PARD3B: variants seen among roughly 807,000 people sequenced by gnomAD.
PARD3B encodes partitioning defective 3 homolog B.
Under a neutral mutation model 130.2 loss-of-function variants are expected in PARD3B, and 103 were observed. That is an observed-to-expected ratio of 0.79 (90% CI 0.67 to 0.93). The LOEUF is 0.93. Ranked by LOEUF, PARD3B falls within the 40% of genes least tolerant of loss-of-function variation. The probability of loss-of-function intolerance (pLI) is 0.00; values close to 1 mark genes in which losing one functional copy is unlikely to be tolerated. For synonymous variants in PARD3B, 583 were observed against 553.2 expected (o/e 1.05, Z -0.76); for missense variants, 1,609 against 1,499.2 (o/e 1.07, Z -1.21).
chr2:205,240,661 T>C (rs2039312638), intron 15 of PARD3B, among the ~76,000 whole-genome samples: 4 of 152,188 alleles, frequency 2.6e-5, no homozygotes, highest in Non-Finnish European at 4.4e-5. Context: ...TACAATCTTC[T>C]GTCAGCATAA....
At chr2:204,805,010 CAACTT>C (rs1329212756) in intron 2 of PARD3B, among the ~76,000 whole-genome samples, 2 of 151,356 alleles carry the variant, frequency 1.3e-5, no homozygotes, top group East Asian at 1.9e-4. Flanking sequence ...TTCAAATAAA[CAACTT>C]AATAATGCAT....
At chr2:205,523,528 C>T (rs535754090) in intron 21 of PARD3B, among the ~76,000 whole-genome samples, 1 of 151,966 alleles carries the variant, frequency 6.6e-6, no homozygotes, top group African/African-American at 2.4e-5. Flanking sequence ...ATTATTTAGC[C>T]TATTTTCTCT....
At chr2:205,539,271 G>T (rs1239335540) in intron 21 of PARD3B, among the ~76,000 whole-genome samples, 1 of 152,192 alleles carries the variant, frequency 6.6e-6, no homozygotes, top group Non-Finnish European at 1.5e-5. Flanking sequence ...GTCCTGGTCA[G>T]GGTAGTGTTG....
intron 16 of PARD3B, among the ~76,000 whole-genome samples, chr2:205,267,820 A>C (rs759241330): frequency 6.6e-6 from 1 of 152,208 alleles, no homozygotes; most frequent in East Asian, 1.9e-4. Context: ...GGTTCTAGCT[A>C]TTCTAAGCAT....
intron 21 of PARD3B, among the ~76,000 whole-genome samples, chr2:205,506,647 C>T (rs1426552285): frequency 6.6e-6 from 1 of 152,104 alleles, no homozygotes; most frequent in Non-Finnish European, 1.5e-5. Flanking sequence ...AGTATAAAAG[C>T]CATCAGAAGG....
At chr2:204,773,653 A>C (rs2125436632) in intron 2 of PARD3B, among the ~76,000 whole-genome samples, 1 of 152,252 alleles carries the variant, frequency 6.6e-6, no homozygotes, top group Admixed American at 6.5e-5. Context: ...GTTCCCTTAC[A>C]AAAATGCAAA....
In PARD3B at chr2:205,401,119, G is replaced by C; in HGVS notation, c.2737G>C (p.Glu913Gln). 6.3e-7 allele frequency: 1 copy of C among 1,589,060 alleles called. No individual in the cohort carries two copies. Among genetic ancestry groups the C allele is most frequent in the African/African-American group, 1.3e-5 (1 of 74,788 alleles). Reference sequence around the variant, plus strand: ...GCTGGAGAAAATGAAAGAAGAGCGTGAAAGGTGAGCAGAAGTGCCGAGACC... The same window carrying C: ...GCTGGAGAAAATGAAAGAAGAGCGTCAAAGGTGAGCAGAAGTGCCGAGACC... ...EELEKMKEER[E>Q]RIGAKHQELR... The change falls in exon 19 of 23, where the codon GAA becomes CAA. Residue 913 changes from glutamate to glutamine, a missense_variant. By Grantham distance (29) the Glu-to-Gln change is conservative. Transcript: ENST00000406610.
At chr2:204,899,254 C>CT (rs1451891321) in intron 2 of PARD3B, among the ~76,000 whole-genome samples, 19 of 138,256 alleles carry the variant, frequency 1.4e-4, no homozygotes, top group African/African-American at 5.3e-4. Context: ...CCCTCCCTCC[C>CT]TCCCTTCCTT....
At position 205,288,833 on chromosome 2, in the gene PARD3B, A is replaced by G. The variant is rs1016744775; in HGVS notation, c.2186-11697A>G. On this transcript the variant is annotated intron_variant, in intron 16 of 22. Transcript: ENST00000406610. This position sits in a 1 kb window ranked among gnomAD's most constrained non-coding sequence, Gnocchi z 4.0. ...CCACATCATGCATAAAGTCTTACTC[A>G]GTGACTTAAAGTCACACTGTGCTTT... 3.3e-5 allele frequency among the ~76,000 whole-genome samples: 5 copies of G among 152,204 alleles called. No individual in the cohort carries two copies. Among genetic ancestry groups the G allele is most frequent in the Non-Finnish European group, 7.3e-5 (5 of 68,034 alleles).
chr2:205,227,788 A>G (rs559949274), intron 15 of PARD3B, among the ~76,000 whole-genome samples: 1 of 149,968 alleles, frequency 6.7e-6, no homozygotes, highest in African/African-American at 2.4e-5. Context: ...TCTTACTTTT[A>G]GTGACAGTGA....
At chr2:204,913,100 A>G (rs2047305746) in intron 2 of PARD3B, among the ~76,000 whole-genome samples, 1 of 152,242 alleles carries the variant, frequency 6.6e-6, no homozygotes, top group African/African-American at 2.4e-5. Context: ...TGCATTTAAT[A>G]TGTTCACAGG....
chr2:204,719,070 A>G (rs923206480), intron 2 of PARD3B, among the ~76,000 whole-genome samples: 4 of 152,188 alleles, frequency 2.6e-5, no homozygotes, highest in South Asian at 2.1e-4. Flanking sequence ...ACCAAAACAG[A>G]TAATTTTCTA....
chr2:205,065,042 A>C (rs1045482724), intron 4 of PARD3B, among the ~76,000 whole-genome samples: 4 of 152,176 alleles, frequency 2.6e-5, no homozygotes, highest in African/African-American at 7.2e-5. Flanking sequence ...TCCTTTAGCT[A>C]TTGCAGTCTC....
intron 19 of PARD3B, among the ~76,000 whole-genome samples, chr2:205,437,240 G>C (rs149568654): frequency 6.6e-6 from 1 of 152,246 alleles, no homozygotes; most frequent in Non-Finnish European, 1.5e-5. Flanking sequence ...AATTTCTCAA[G>C]TGTTTGTTCA....
intron 16 of PARD3B, among the ~76,000 whole-genome samples, chr2:205,251,750 G>A (rs2039859052): frequency 6.6e-6 from 1 of 152,018 alleles, no homozygotes; most frequent in Non-Finnish European, 1.5e-5. Context: ...TATTGATGAG[G>A]AGCTAAAATT....
chr2:205,083,264 A>G (rs891074812), intron 4 of PARD3B, among the ~76,000 whole-genome samples: 10 of 151,950 alleles, frequency 6.6e-5, no homozygotes, highest in African/African-American at 1.2e-4. Flanking sequence ...CTAGACTGTT[A>G]TATAGTAATA....
chr2:205,411,888 G>T (rs1313173821), intron 19 of PARD3B, among the ~76,000 whole-genome samples: 1 of 152,172 alleles, frequency 6.6e-6, no homozygotes. Context: ...AACACATTCA[G>T]GGAGAAGGGA....
chr2:204,833,198 G>A (rs1337723248), intron 2 of PARD3B, among the ~76,000 whole-genome samples: 2 of 152,138 alleles, frequency 1.3e-5, no homozygotes, highest in Non-Finnish European at 2.9e-5. Context: ...ATAAATCTTG[G>A]AGTCCAAGTA....
intron 1 of PARD3B, among the ~76,000 whole-genome samples, chr2:204,593,361 G>T (rs930692000): frequency 6.6e-6 from 1 of 152,118 alleles, no homozygotes; most frequent in African/African-American, 2.4e-5. Context: ...ATGGAGCAAT[G>T]GCAGATGAGC....
Sources: gnomAD v4.1 joint callset for allele counts (sites outside exome capture counted in the v4.1 genomes callset) on GRCh38, gnomAD v4.1.1 for gene constraint, Gnocchi (gnomAD v3.1) non-coding constraint, MANE v1.5 for transcripts, NCBI Gene and HGNC (gene_info 2026-07-23, HGNC 2026-07-21) for gene names.